The following CAPRIN2 variants were observed in gnomAD, a reference collection of about 807,000 sequenced individuals.
CAPRIN2 encodes the protein caprin family member 2.
A neutral mutation model predicts 130.4 loss-of-function variants in CAPRIN2; 66 were observed. The ratio of observed to expected loss-of-function variants is 0.51; its 90% confidence interval spans 0.42 to 0.62. The LOEUF (loss-of-function observed/expected upper bound fraction) is 0.62, where lower values mean the gene tolerates loss of function less well. Ranked by LOEUF, CAPRIN2 falls within the 20% of genes least tolerant of loss-of-function variation. The probability of loss-of-function intolerance (pLI) is 0.00; values close to 1 mark genes in which losing one functional copy is unlikely to be tolerated. For missense variants in CAPRIN2, 1,185 were observed against 1,246.6 expected, an observed-to-expected ratio of 0.95 and a Z score of 0.74; for synonymous variants, 471 against 444.1, an observed-to-expected ratio of 1.06 and a Z score of -0.76.
At chr12:30,736,771 C>T (rs1298573567) in intron 3 of CAPRIN2, among the ~76,000 whole-genome samples, 4 of 152,192 alleles carry the variant, frequency 2.6e-5, no homozygotes, top group Admixed American at 6.5e-5. Flanking sequence ...ACCAAAACTA[C>T]AGGATTCTCT....
At chr12:30,748,147 G>A (rs560486529) in intron 2 of CAPRIN2, among the ~76,000 whole-genome samples, 13 of 152,304 alleles carry the variant, frequency 8.5e-5, no homozygotes, top group African/African-American at 2.6e-4. Flanking sequence ...ACTCATAGTT[G>A]ATAAAGCAGC....
intron 8 of CAPRIN2, among the ~76,000 whole-genome samples, chr12:30,726,492 G>A (rs1471008942): frequency 6.6e-6 from 1 of 151,990 alleles, no homozygotes; most frequent in African/African-American, 2.4e-5. Context: ...AGATGTATCT[G>A]ATTTCAGAAA....
chr12:30,714,861 A>T (rs1325011855), intron 14 of CAPRIN2, 98 bp downstream of exon 16: 21 of 934,660 alleles, frequency 2.2e-5, no homozygotes, highest in Non-Finnish European at 3.5e-5. Context: ...ACTACGTTGC[A>T]AATGACAAAA....
chr12:30,719,347 G>A (rs2058655796), intron 12 of CAPRIN2, 122 bp from the exon 14 acceptor site: 3 of 1,084,480 alleles, frequency 2.8e-6, no homozygotes, highest in East Asian at 4.9e-5. Flanking sequence ...ACACAGGAAT[G>A]CAAAAGAATA....
chr12:30,737,598 CTTTTT>C (rs11304850), intron 3 of CAPRIN2, among the ~76,000 whole-genome samples: 3 of 131,244 alleles, frequency 2.3e-5, no homozygotes, highest in African/African-American at 2.8e-5. Flanking sequence ...AACTGGTTTT[CTTTTT>C]TTTTTTTTTT....
intron 1 of CAPRIN2, among the ~76,000 whole-genome samples, chr12:30,752,065 C>A (rs987949865): frequency 2.0e-5 from 3 of 151,590 alleles, no homozygotes; most frequent in African/African-American, 4.8e-5. Context: ...ATTACAGGCA[C>A]CCCCCACCAC....
chr12:30,730,007 C>A (rs2062096158), intron 7 of CAPRIN2, among the ~76,000 whole-genome samples: 1 of 152,180 alleles, frequency 6.6e-6, no homozygotes, highest in Non-Finnish European at 1.5e-5. Context: ...AGATCAACCT[C>A]TTTAATCCTC....
At chr12:30,711,676 T>C in intron 15 of CAPRIN2, 47 bp from the exon 18 acceptor site, 1 of 1,458,976 alleles carries the variant, frequency 6.9e-7, no homozygotes, top group Non-Finnish European at 9.6e-7. Flanking sequence ...AATGCAGGAC[T>C]ATAATTGGTT....
At chr12:30,711,700 A>G (rs1332624119) in intron 15 of CAPRIN2, 71 bp from the exon 18 acceptor site, 1 of 1,244,688 alleles carries the variant, frequency 8.0e-7, no homozygotes, top group African/African-American at 1.5e-5. Flanking sequence ...ACACAGGACT[A>G]CCGGCTGGCA....
chr12:30,728,654 G>A (rs2061655219), exon 8 of CAPRIN2: 1 of 1,603,848 alleles, frequency 6.2e-7, no homozygotes, highest in East Asian at 2.2e-5. Context: ...TCACATCTTT[G>A]GGTTCTGTGT....
chr12:30,751,796 T>C (rs541753939), intron 1 of CAPRIN2: 1 of 21,150 alleles, frequency 4.7e-5, no homozygotes, highest in Admixed American at 2.1e-4. Context: ...ATCATTATCA[T>C]AGAGTAGGCT....
chr12:30,725,877 G>A, intron 9 of CAPRIN2, 89 bp downstream of exon 10: 3 of 1,182,540 alleles, frequency 2.5e-6, no homozygotes, highest in Non-Finnish European at 2.2e-6. Context: ...GGACTTGACA[G>A]AATAATCTAT....
intron 15 of CAPRIN2, among the ~76,000 whole-genome samples, chr12:30,712,028 C>T (rs1176862295): frequency 3.3e-5 from 5 of 152,002 alleles, no homozygotes; most frequent in African/African-American, 1.2e-4. Context: ...ATTTATACAC[C>T]AAACTGGGAA....
At chr12:30,729,139 C>G in exon 8 of CAPRIN2, 9 of 1,613,986 alleles carry the variant, frequency 5.6e-6, no homozygotes, top group East Asian at 4.5e-5. Context: ...TTGGATACCT[C>G]CTGGTGCTTA....
chr12:30,724,202 C>T (rs1418880109), intron 10 of CAPRIN2, among the ~76,000 whole-genome samples, 168 bp downstream of exon 11: 3 of 152,188 alleles, frequency 2.0e-5, no homozygotes, highest in African/African-American at 7.2e-5. Flanking sequence ...ACACTAATGT[C>T]CTAATGGTAA....
exon 14 of CAPRIN2, chr12:30,715,009 C>T (rs765614899): frequency 9.3e-6 from 15 of 1,613,894 alleles, no homozygotes; most frequent in South Asian, 3.3e-5. Context: ...TCTCCCACCA[C>T]GAGTACATCC....
chr12:30,750,231 A>T (rs1384119445), intron 2 of CAPRIN2, among the ~76,000 whole-genome samples: 1 of 152,202 alleles, frequency 6.6e-6, no homozygotes, highest in Non-Finnish European at 1.5e-5. Flanking sequence ...AGTGAAGAGG[A>T]GTCACTATGG....
exon 1 of CAPRIN2, chr12:30,753,511 C>G: frequency 6.2e-7 from 1 of 1,614,166 alleles, no homozygotes; most frequent in Non-Finnish European, 8.5e-7. Flanking sequence ...TGGGGCTTGG[C>G]TGACTTCATA....
chr12:30,720,751 GA>G (rs2059166971), intron 12 of CAPRIN2, 59 bp downstream of exon 13: 7 of 960,664 alleles, frequency 7.3e-6, no homozygotes, highest in African/African-American at 1.6e-5. Context: ...TAATTCATAA[GA>G]TAAACTGGTT....
Sources: gnomAD v4.1 joint callset for allele counts (sites outside exome capture counted in the v4.1 genomes callset) on GRCh38, gnomAD v4.1.1 for gene constraint, MANE v1.5 for transcripts, NCBI Gene and HGNC (gene_info 2026-07-23, HGNC 2026-07-21) for gene names.